Variants in KAZN observed in about 807,000 individuals in gnomAD.
KAZN encodes the protein kazrin.
KAZN carries 40 observed loss-of-function variants against 87.4 expected under a neutral mutation model. The ratio of observed to expected loss-of-function variants is 0.46; its 90% confidence interval spans 0.36 to 0.60. The LOEUF (loss-of-function observed/expected upper bound fraction) is 0.60. KAZN is among the 20% of genes least tolerant of loss of function. The pLI is 0.00. For synonymous variants in KAZN, 466 were observed against 458.3 expected (o/e 1.02, Z -0.22); for missense variants, 898 against 1,073.9 (o/e 0.84, Z 2.29).
chr1:14,667,907 A>G (rs1639669539), intron 1 of KAZN, among the ~76,000 whole-genome samples: 1 of 152,182 alleles, frequency 6.6e-6, no homozygotes. Flanking sequence ...AAACCGGAAC[A>G]AAACCCAGAT....
chr1:14,390,309 T>C (rs1317776872), intron 2 of KAZN, among the ~76,000 whole-genome samples: 3 of 152,016 alleles, frequency 2.0e-5, no homozygotes, highest in Non-Finnish European at 4.4e-5. Flanking sequence ...GAAAATAAGA[T>C]TAAGAAAAAT....
intron 1 of KAZN, among the ~76,000 whole-genome samples, chr1:14,817,685 A>G (rs1312881922): frequency 1.3e-5 from 2 of 152,124 alleles, no homozygotes. Context: ...AAAAGTACAT[A>G]TAACAGCCTC....
intron 1 of KAZN, among the ~76,000 whole-genome samples, chr1:14,016,015 A>G (rs1397000626): frequency 6.6e-6 from 1 of 152,072 alleles, no homozygotes; most frequent in Non-Finnish European, 1.5e-5. Context: ...CACAAGGGCA[A>G]CAGGCACTCA....
intron 1 of KAZN, among the ~76,000 whole-genome samples, chr1:14,609,820 G>C (rs1356811856): frequency 6.6e-6 from 1 of 152,226 alleles, no homozygotes; most frequent in African/African-American, 2.4e-5. Flanking sequence ...AGGAAACTGA[G>C]GCACAGCAAT....
intron 2 of KAZN, among the ~76,000 whole-genome samples, chr1:14,581,940 C>G (rs1675580357): frequency 6.6e-6 from 1 of 152,112 alleles, no homozygotes; most frequent in South Asian, 2.1e-4. Flanking sequence ...CCTCTCTTTC[C>G]CCTTCCCACA....
exon 1 of KAZN, chr1:13,893,734 G>T: frequency 6.4e-7 from 1 of 1,550,550 alleles, no homozygotes; most frequent in Non-Finnish European, 8.7e-7. Context: ...TCTTTGGTCA[G>T]CAGTGCCAAC....
At chr1:14,179,056 C>T (rs764307678) in intron 1 of KAZN, among the ~76,000 whole-genome samples, 7 of 152,126 alleles carry the variant, frequency 4.6e-5, no homozygotes, top group Non-Finnish European at 8.8e-5. Flanking sequence ...ATTATTTGGC[C>T]TGCAGCTCCC....
Position 14,238,937 on chromosome 1 carries a change from T to G in KAZN, c.249+58345T>G, listed in dbSNP as rs946055879. Among the ~76,000 whole-genome samples the G allele has an allele frequency of 2.0e-5, 3 of 152,252 alleles. No homozygotes were observed. In the South Asian group the frequency reaches 6.2e-4, roughly 32 times the overall value. Reference sequence around the variant, plus strand: ...CACGTTCTTGAAGCTGTCACTTCTATGTACACCCAGATAGCTGAGGACTGT... The same window carrying G: ...CACGTTCTTGAAGCTGTCACTTCTAGGTACACCCAGATAGCTGAGGACTGT... On this transcript the variant is annotated intron_variant, in intron 2 of 16. Transcript: ENST00000636203.
chr1:14,779,019 T>A (rs911630848), intron 1 of KAZN, among the ~76,000 whole-genome samples: 9 of 152,138 alleles, frequency 5.9e-5, no homozygotes, highest in African/African-American at 1.9e-4. Flanking sequence ...GGGCTCCTTT[T>A]TCGTGAATCT....
chr1:14,160,996 G>A (rs1369061096), intron 1 of KAZN, among the ~76,000 whole-genome samples: 1 of 152,240 alleles, frequency 6.6e-6, no homozygotes. Flanking sequence ...AAGCACAGAA[G>A]TGCTGAAACT....
intron 2 of KAZN, among the ~76,000 whole-genome samples, chr1:14,323,102 C>A (rs574275509): frequency 6.6e-6 from 1 of 152,120 alleles, no homozygotes; most frequent in African/African-American, 2.4e-5. Flanking sequence ...AAATGGCCTC[C>A]GTGATTCAGT....
At chr1:14,174,666 T>A (rs1646030445) in intron 1 of KAZN, among the ~76,000 whole-genome samples, 1 of 152,242 alleles carries the variant, frequency 6.6e-6, no homozygotes, top group Admixed American at 6.5e-5. Flanking sequence ...TTTGGCTCAC[T>A]TATATAACAA....
chr1:14,273,210 G>T (rs1652087648), intron 2 of KAZN, among the ~76,000 whole-genome samples: 1 of 152,032 alleles, frequency 6.6e-6, no homozygotes, highest in Admixed American at 6.5e-5. Context: ...ACTTGATTTA[G>T]CCTAAAGATG....
intron 1 of KAZN, among the ~76,000 whole-genome samples, chr1:14,795,310 G>A (rs1262451639): frequency 6.6e-6 from 1 of 152,166 alleles, no homozygotes; most frequent in Non-Finnish European, 1.5e-5. Context: ...AACCCTGTAA[G>A]GGGTGTGCAG....
chr1:14,492,011 C>T (rs1669675176), intron 2 of KAZN, among the ~76,000 whole-genome samples: 1 of 152,110 alleles, frequency 6.6e-6, no homozygotes, highest in African/African-American at 2.4e-5. Context: ...TTACTTTGTG[C>T]CAGACACTGG....
intron 1 of KAZN, among the ~76,000 whole-genome samples, chr1:14,752,747 G>C (rs1010586527): frequency 8.5e-5 from 13 of 152,146 alleles, no homozygotes; most frequent in Non-Finnish European, 1.8e-4. Flanking sequence ...TTGGTGGGGA[G>C]GGGGGACACA....
intron 2 of KAZN, among the ~76,000 whole-genome samples, chr1:14,505,171 G>C (rs1165820280): frequency 2.0e-5 from 3 of 152,188 alleles, no homozygotes; most frequent in Non-Finnish European, 4.4e-5. Context: ...GAATAGCCAT[G>C]CTGATGGGCA....
intron 2 of KAZN, among the ~76,000 whole-genome samples, chr1:14,591,772 C>T (rs527783228): frequency 3.3e-5 from 5 of 152,262 alleles, no homozygotes; most frequent in Non-Finnish European, 7.4e-5. Context: ...GCTGTGTGTC[C>T]ACACTGATAT....
intron 1 of KAZN, among the ~76,000 whole-genome samples, chr1:14,957,526 G>A (rs574133070): frequency 3.3e-5 from 5 of 152,356 alleles, no homozygotes; most frequent in East Asian, 3.9e-4. Flanking sequence ...CACCAAGCAC[G>A]CCGCTGGGGA....
Sources: gnomAD v4.1 joint callset for allele counts (sites outside exome capture counted in the v4.1 genomes callset) on GRCh38, gnomAD v4.1.1 for gene constraint, MANE v1.5 for transcripts, NCBI Gene and HGNC (gene_info 2026-07-23, HGNC 2026-07-21) for gene names.